Variants in HCN1 observed in about 807,000 individuals in gnomAD.
HCN1 encodes hyperpolarization activated cyclic nucleotide gated potassium channel 1.
Under a neutral mutation model 78.9 loss-of-function variants are expected in HCN1, and 13 were observed. The observed-to-expected ratio is 0.16, with a 90% CI of 0.11 to 0.26. The LOEUF (loss-of-function observed/expected upper bound fraction) is 0.26, where lower values mean the gene tolerates loss of function less well. Ranked by LOEUF, HCN1 falls within the 10% of genes least tolerant of loss-of-function variation. The pLI is 1.00. For synonymous variants in HCN1, 552 were observed against 455.5 expected (o/e 1.21, Z -2.70); for missense variants, 810 against 1,154.3 (o/e 0.70, Z 4.32).
intron 1 of HCN1, among the ~76,000 whole-genome samples, chr5:45,689,946 T>C (rs1739875193): frequency 6.6e-6 from 1 of 152,114 alleles, no homozygotes; most frequent in African/African-American, 2.4e-5. Flanking sequence ...CGTGTCATTT[T>C]AAGAAATCTG....
intron 6 of HCN1, among the ~76,000 whole-genome samples, chr5:45,298,951 A>T (rs1293596215): frequency 6.6e-6 from 1 of 152,032 alleles, no homozygotes; most frequent in African/African-American, 2.4e-5. Context: ...TGGTACTTTA[A>T]GTCTCGTTTT....
chr5:45,342,694 A>G (rs1746611685), intron 5 of HCN1, among the ~76,000 whole-genome samples: 1 of 152,214 alleles, frequency 6.6e-6, no homozygotes, highest in Non-Finnish European at 1.5e-5. Flanking sequence ...CTTAACTGGT[A>G]TCTTATGGCT....
chr5:45,556,445 T>C (rs1743471784), intron 2 of HCN1, among the ~76,000 whole-genome samples: 1 of 152,004 alleles, frequency 6.6e-6, no homozygotes, highest in African/African-American at 2.4e-5. Flanking sequence ...CTTTTCTAAT[T>C]CCTTCATGTT....
At chr5:45,495,771 T>C (rs1237614440) in intron 2 of HCN1, among the ~76,000 whole-genome samples, 5 of 152,176 alleles carry the variant, frequency 3.3e-5, no homozygotes, top group Non-Finnish European at 5.9e-5. Flanking sequence ...TTGAAATACG[T>C]CCCATGAATA....
At chr5:45,599,636 T>A (rs532771403) in intron 2 of HCN1, among the ~76,000 whole-genome samples, 168 of 152,252 alleles carry the variant, frequency 1.1e-3, no homozygotes, top group African/African-American at 4.0e-3. Context: ...TTAAAACAGT[T>A]AAAAGTTCTG....
At chr5:45,469,820 T>C (rs535591310) in intron 2 of HCN1, among the ~76,000 whole-genome samples, 35 of 151,680 alleles carry the variant, frequency 2.3e-4, no homozygotes, top group Non-Finnish European at 4.6e-4. Flanking sequence ...TGTGTGAATG[T>C]AGAGAAAGAT....
chr5:45,387,465 A>AT (rs558574099), intron 4 of HCN1, among the ~76,000 whole-genome samples: 16 of 152,104 alleles, frequency 1.1e-4, no homozygotes, highest in East Asian at 3.9e-4. Context: ...TACATACTGA[A>AT]TTTTTTTTAA....
intron 2 of HCN1, among the ~76,000 whole-genome samples, chr5:45,578,037 T>C (rs908167863): frequency 1.3e-5 from 2 of 152,088 alleles, no homozygotes; most frequent in Non-Finnish European, 2.9e-5. Flanking sequence ...CTTACTATGA[T>C]TGATGACAGC....
chr5:45,491,955 A>T (rs1741893965), intron 2 of HCN1, among the ~76,000 whole-genome samples: 1 of 152,136 alleles, frequency 6.6e-6, no homozygotes, highest in Non-Finnish European at 1.5e-5. Context: ...ACACTTATGA[A>T]ATTTTATCAG....
chr5:45,544,278 T>C (rs1360874530), intron 2 of HCN1, among the ~76,000 whole-genome samples: 1 of 152,100 alleles, frequency 6.6e-6, no homozygotes, highest in African/African-American at 2.4e-5. Context: ...TCATTATCCT[T>C]AAGAAATAAA....
At chr5:45,596,062 AT>A in intron 2 of HCN1, among the ~76,000 whole-genome samples, 1 of 150,928 alleles carries the variant, frequency 6.6e-6, no homozygotes, top group East Asian at 2.0e-4. Flanking sequence ...CACCCGGCTA[AT>A]TTTTTTTTGT....
At chr5:45,434,197 G>A (rs1368056358) in intron 3 of HCN1, among the ~76,000 whole-genome samples, 1 of 152,156 alleles carries the variant, frequency 6.6e-6, no homozygotes, top group Non-Finnish European at 1.5e-5. Context: ...TGAGTCTTCT[G>A]ATGCAACCTA....
At chr5:45,604,748 C>T (rs1744693928) in intron 2 of HCN1, among the ~76,000 whole-genome samples, 1 of 151,786 alleles carries the variant, frequency 6.6e-6, no homozygotes, top group Admixed American at 6.6e-5. Flanking sequence ...GCAGTAACAA[C>T]AAAATTAAAG....
intron 2 of HCN1, among the ~76,000 whole-genome samples, chr5:45,548,539 T>C (rs1358371522): frequency 1.3e-5 from 2 of 152,220 alleles, no homozygotes; most frequent in South Asian, 4.1e-4. Context: ...GCCAATATCA[T>C]ACTGAACGGG....
At chr5:45,347,087 C>T (rs1429524173) in intron 5 of HCN1, among the ~76,000 whole-genome samples, 1 of 152,186 alleles carries the variant, frequency 6.6e-6, no homozygotes, top group Non-Finnish European at 1.5e-5. Flanking sequence ...GACCCCTGAT[C>T]CCCGAACAGC....
At chr5:45,411,422 A>G (rs553152822) in intron 3 of HCN1, among the ~76,000 whole-genome samples, 1 of 151,526 alleles carries the variant, frequency 6.6e-6, no homozygotes, top group Non-Finnish European at 1.5e-5. Context: ...CGTAATTCCT[A>G]TTTCTGATGA....
chr5:45,269,710 C>G (rs1443079790), intron 6 of HCN1, among the ~76,000 whole-genome samples: 1 of 152,158 alleles, frequency 6.6e-6, no homozygotes, highest in Admixed American at 6.5e-5. Context: ...CATTTCCCCC[C>G]ACTATCCTCA....
intron 2 of HCN1, among the ~76,000 whole-genome samples, chr5:45,640,858 GA>G (rs61584654): frequency 0.12 from 9,900 of 82,152 alleles, 363 homozygotes; most frequent in East Asian, 0.2. Flanking sequence ...AGGAGTGATA[GA>G]AAAAAAAAAA....
chr5:45,453,232 C>T (rs1040166017), intron 3 of HCN1, among the ~76,000 whole-genome samples: 4 of 151,934 alleles, frequency 2.6e-5, no homozygotes, highest in African/African-American at 7.3e-5. Flanking sequence ...TCCGTATATC[C>T]GTAAATTGAA....
Sources: gnomAD v4.1 joint callset for allele counts (sites outside exome capture counted in the v4.1 genomes callset) on GRCh38, gnomAD v4.1.1 for gene constraint, MANE v1.5 for transcripts, NCBI Gene and HGNC (gene_info 2026-07-23, HGNC 2026-07-21) for gene names.